The following ANO4 variants were observed in gnomAD, a reference collection of about 807,000 sequenced individuals.
ANO4 encodes the protein anoctamin 4, also known as anoctamin-4.
A neutral mutation model predicts 141.9 loss-of-function variants in ANO4; 69 were observed. That is an observed-to-expected ratio of 0.49 (90% CI 0.40 to 0.59). ANO4 has a LOEUF of 0.59. Among genes scored for constraint, ANO4 ranks in the 20% least tolerant of loss-of-function variants. The pLI, the probability that ANO4 is intolerant of heterozygous loss-of-function variation, is 0.00. For synonymous variants in ANO4, 350 were observed against 394.3 expected (o/e 0.89, Z 1.33); for missense variants, 894 against 1,162.2 (o/e 0.77, Z 3.36).
At chr12:100,832,873 A>G (rs1168916908) in intron 1 of ANO4, among the ~76,000 whole-genome samples, 1 of 152,152 alleles carries the variant, frequency 6.6e-6, no homozygotes, top group Non-Finnish European at 1.5e-5. Context: ...TTTCTTTCCC[A>G]GAGCCACTTT....
In ANO4 at chr12:100,855,926, G is replaced by A. The variant is rs555576650; in HGVS notation, c.-140-45720G>A. Among the ~76,000 whole-genome samples the A allele has an allele frequency of 2.2e-3, 339 of 152,238 alleles. 2 individuals are homozygous for A. Among genetic ancestry groups the A allele is most frequent in the Middle Eastern group, 0.017 (5 of 294 alleles). On this transcript the variant is annotated intron_variant, in intron 1 of 27. Transcript: ENST00000392977. The stretch of plus-strand genomic sequence containing the variant: ...AACTTTTATAATATTAGGATAAATG[G>A]AGCAAGTGGTACAGTCAAAATCTAA...
chr12:100,931,441 C>T (rs1003327774), intron 3 of ANO4, among the ~76,000 whole-genome samples: 8 of 152,088 alleles, frequency 5.3e-5, no homozygotes, highest in Non-Finnish European at 1.2e-4. Flanking sequence ...AAATGCTTCC[C>T]ACAAAAACAA....
At chr12:100,938,982 A>C (rs2042397042) in intron 3 of ANO4, among the ~76,000 whole-genome samples, 2 of 152,322 alleles carry the variant, frequency 1.3e-5, no homozygotes, top group South Asian at 2.1e-4. Flanking sequence ...CCAACCTAGA[A>C]GTCTTAAATC....
chr12:100,901,913 T>G, intron 2 of ANO4, 73 bp downstream of exon 2: 1 of 1,339,712 alleles, frequency 7.5e-7, no homozygotes, highest in Non-Finnish European at 1.0e-6. Flanking sequence ...ATATTTTTAT[T>G]GTGTAAATAT....
At chr12:100,841,605 A>G (rs1048183732) in intron 1 of ANO4, among the ~76,000 whole-genome samples, 2 of 152,174 alleles carry the variant, frequency 1.3e-5, no homozygotes, top group East Asian at 3.9e-4. Context: ...AGTCCTAAAT[A>G]AAGTGAGGGA....
At chr12:100,837,904 T>C (rs1051943461) in intron 1 of ANO4, among the ~76,000 whole-genome samples, 2 of 152,098 alleles carry the variant, frequency 1.3e-5, no homozygotes, top group African/African-American at 4.8e-5. Context: ...CATGGTTAAA[T>C]GGTTCTGTTT....
chr12:100,723,418 GC>G, intron 1 of ANO4, among the ~76,000 whole-genome samples: 1 of 152,176 alleles, frequency 6.6e-6, no homozygotes, highest in African/African-American at 2.4e-5. Flanking sequence ...TGCTCACGTG[GC>G]CTTTCCTTGG....
chr12:100,999,929 G>A (rs2045566514), intron 8 of ANO4, among the ~76,000 whole-genome samples: 1 of 150,700 alleles, frequency 6.6e-6, no homozygotes, highest in Non-Finnish European at 1.5e-5. Flanking sequence ...CAAGACTGTA[G>A]TCCCAGCTAC....
intron 1 of ANO4, among the ~76,000 whole-genome samples, chr12:100,894,395 G>A (rs973269660): frequency 6.6e-6 from 1 of 151,906 alleles, no homozygotes; most frequent in Non-Finnish European, 1.5e-5. Context: ...GAGCGGGGGC[G>A]GTCCTACGTG....
intron 2 of ANO4, among the ~76,000 whole-genome samples, chr12:100,905,877 C>T (rs992030438): frequency 9.9e-5 from 15 of 151,940 alleles, no homozygotes; most frequent in African/African-American, 2.7e-4. Context: ...GGGAAGGAGG[C>T]GTATGTATAT....
chr12:100,823,217 A>G (rs2036149167), intron 1 of ANO4, among the ~76,000 whole-genome samples: 1 of 152,046 alleles, frequency 6.6e-6, no homozygotes, highest in African/African-American at 2.4e-5. Context: ...GAGGAAATGG[A>G]AGCCAAATGA....
intron 4 of ANO4, among the ~76,000 whole-genome samples, chr12:100,941,465 T>A (rs1022177074): frequency 1.6e-4 from 24 of 152,310 alleles, no homozygotes; most frequent in African/African-American, 5.8e-4. Context: ...GCTTTTTTTA[T>A]CAGTGTTGTC....
rs1334503583 is a variant in ANO4, at chr12:100,938,800, T to G, written c.161-515T>G. ...AAAATCTAAGTGCATGCTTTATTGT[T>G]GCATTAGGTTTTCTCTGTTCTGTCT... On this transcript the variant is annotated intron_variant, in intron 3 of 27. Coordinates refer to ENST00000392977, the MANE Select transcript of ANO4 (RefSeq NM_001286615.2). Among the ~76,000 whole-genome samples, 6 of 152,318 alleles carry G rather than the reference T, an allele frequency of 3.9e-5. No homozygotes were observed. In the East Asian group the frequency reaches 1.2e-3, roughly 29 times the overall value.
chr12:101,106,884 T>C (rs1020431747), intron 22 of ANO4, among the ~76,000 whole-genome samples: 4 of 112,502 alleles, frequency 3.6e-5, no homozygotes, highest in African/African-American at 2.1e-4. Context: ...TACAAGTCTC[T>C]TCCCTTGAAA....
At position 100,901,846 on chromosome 12, in the gene ANO4, G is replaced by T. The variant is rs750288007; in HGVS notation, c.55+6G>T. ...AACCAAAGTCTTCCACCCAGGTGATGCATGGGGAAGTTCAACGGGGACCCA... is the reference window on the plus strand; with the variant it reads ...AACCAAAGTCTTCCACCCAGGTGATTCATGGGGAAGTTCAACGGGGACCCA... On this transcript the variant is annotated splice_donor_region_variant and intron_variant, in intron 2 of 27. Coordinates refer to ENST00000392977, the MANE Select transcript of ANO4 (RefSeq NM_001286615.2). 6.3e-6 allele frequency: 10 copies of T among 1,595,838 alleles called. No individual in the cohort carries two copies. The highest frequency in any genetic ancestry group is 8.5e-6 in the Non-Finnish European group (10 of 1,171,216).
At chr12:101,012,757 G>T (rs554769160) in intron 8 of ANO4, among the ~76,000 whole-genome samples, 2 of 152,214 alleles carry the variant, frequency 1.3e-5, no homozygotes, top group African/African-American at 4.8e-5. Context: ...AGTGAAATTA[G>T]ATAGTACAGT....
chr12:100,953,901 A>G (rs1437799074), intron 5 of ANO4, among the ~76,000 whole-genome samples: 2 of 152,044 alleles, frequency 1.3e-5, no homozygotes, highest in African/African-American at 4.8e-5. Flanking sequence ...AGCAGGGGGA[A>G]TAGCTGGATT....
chr12:100,786,873 A>AT (rs1236773168), intron 3 of ANO4, among the ~76,000 whole-genome samples: 1 of 152,148 alleles, frequency 6.6e-6, no homozygotes, highest in East Asian at 1.9e-4. Context: ...GTACTGAAGA[A>AT]TTTTTTCTTT....
intron 27 of ANO4, 61 bp from the exon 28 acceptor site, chr12:101,127,800 C>T (rs761904284): frequency 9.2e-5 from 14 of 152,626 alleles, no homozygotes; most frequent in Admixed American, 2.0e-4. Flanking sequence ...AACTATTGCA[C>T]CTCATGTTTT....
Sources: allele counts gnomAD v4.1 joint callset (sites outside exome capture counted in the v4.1 genomes callset), GRCh38; gene constraint gnomAD v4.1.1; transcripts MANE v1.5; gene names NCBI Gene and HGNC (gene_info 2026-07-23, HGNC 2026-07-21).